The following NCOA2 variants were observed in gnomAD, a reference collection of about 807,000 sequenced individuals.
NCOA2 encodes the protein class E basic helix-loop-helix protein 75.
A neutral mutation model predicts 145.1 loss-of-function variants in NCOA2; 21 were observed. That is an observed-to-expected ratio of 0.14 (90% CI 0.10 to 0.21). NCOA2 has a LOEUF of 0.21. NCOA2 is among the 10% of genes least tolerant of loss of function. NCOA2 has a pLI of 1.00. For missense variants in NCOA2, 1,472 were observed against 1,837.6 expected, an observed-to-expected ratio of 0.80 and a Z score of 3.64; for synonymous variants, 619 against 637.5, an observed-to-expected ratio of 0.97 and a Z score of 0.44.
At chr8:70,351,744 C>T (rs528002685) in intron 1 of NCOA2, among the ~76,000 whole-genome samples, 79 of 150,398 alleles carry the variant, frequency 5.3e-4, no homozygotes, top group Admixed American at 1.7e-3. Flanking sequence ...CACCACCACC[C>T]CGGCTAATTT....
At position 70,312,000 on chromosome 8, in the gene NCOA2, G is replaced by A. The variant is rs147525270; in HGVS notation, c.-76-15200C>T. Among the ~76,000 whole-genome samples, 318 of 152,294 alleles carry A rather than the reference G, an allele frequency of 2.1e-3. 2 individuals carry two copies. Among genetic ancestry groups the A allele is most frequent in the East Asian group, 9.3e-3 (48 of 5,188 alleles). On this transcript the variant is annotated intron_variant, in intron 1 of 22. Coordinates refer to ENST00000452400, the MANE Select transcript of NCOA2 (RefSeq NM_006540.4). ...TTTTATCTTTACAACAACTCTGTGA[G>A]GTATGTTGACCCTGTAATTTTGATG...
At chr8:70,155,428 A>T (rs1357867822) in intron 11 of NCOA2, among the ~76,000 whole-genome samples, 1 of 152,244 alleles carries the variant, frequency 6.6e-6, no homozygotes, top group Non-Finnish European at 1.5e-5. Flanking sequence ...CCCAGTTTCA[A>T]GGAAGTGATT....
chr8:70,355,394 G>A (rs10504476), intron 1 of NCOA2, among the ~76,000 whole-genome samples: 15,984 of 152,150 alleles, frequency 0.11, 1,283 homozygotes, highest in East Asian at 0.41. Context: ...GAGCCTACAT[G>A]TGCCAGACAC....
At chr8:70,145,150 TTCTC>T (rs147559333) in intron 12 of NCOA2, among the ~76,000 whole-genome samples, 19 of 151,666 alleles carry the variant, frequency 1.3e-4, no homozygotes, top group South Asian at 6.2e-4. Flanking sequence ...CATTCATTCA[TTCTC>T]TCTCTCTCTT....
At chr8:70,123,470 T>C (rs991420664) in intron 21 of NCOA2, among the ~76,000 whole-genome samples, 6 of 152,140 alleles carry the variant, frequency 3.9e-5, no homozygotes, top group Non-Finnish European at 7.3e-5. Flanking sequence ...TGAGCCAAGA[T>C]AGTGCCACTG....
At chr8:70,360,290 T>A (rs1015142841) in intron 1 of NCOA2, among the ~76,000 whole-genome samples, 2 of 152,222 alleles carry the variant, frequency 1.3e-5, no homozygotes, top group African/African-American at 4.8e-5. Context: ...CTAGTCATTA[T>A]CTGAGAATTT....
chr8:70,163,544 G>A lies in NCOA2; in HGVS notation c.753C>T (p.Cys251=), dbSNP rs764363879. The change falls in exon 8 of 23, where the codon TGC becomes TGT. Residue 251 remains cysteine (C), a synonymous_variant. Coordinates refer to ENST00000452400, the MANE Select transcript of NCOA2 (RefSeq NM_006540.4). ...CCTTCATGGGAACTCTTCTTGCCAC[G>A]CAAATCAAGCAGGACTGCAAATCTT... ...EGEDLQSCLI[C]VARRVPMKER... The A allele has an allele frequency of 6.8e-6, 11 of 1,613,530 alleles. No individual in the cohort carries two copies. In the African/African-American group the frequency reaches 9.3e-5, roughly 14 times the overall value.
chr8:70,182,725 T>A (rs1241085432), intron 4 of NCOA2, among the ~76,000 whole-genome samples: 1 of 152,240 alleles, frequency 6.6e-6, no homozygotes, highest in African/African-American at 2.4e-5. Flanking sequence ...TCTTTCATGA[T>A]AAGCCATGTC....
At chr8:70,382,134 T>C (rs143702024) in intron 1 of NCOA2, among the ~76,000 whole-genome samples, 1 of 151,934 alleles carries the variant, frequency 6.6e-6, no homozygotes, top group East Asian at 1.9e-4. Flanking sequence ...AGCCAGAATA[T>C]AAAATAAGCT....
chr8:70,197,965 A>AT (rs956294951), intron 4 of NCOA2, among the ~76,000 whole-genome samples: 8 of 151,294 alleles, frequency 5.3e-5, no homozygotes, highest in South Asian at 2.1e-4. Context: ...TGCCCATTTA[A>AT]TTTTTTTTTA....
chr8:70,115,827 T>C (rs1807040902), intron 22 of NCOA2, among the ~76,000 whole-genome samples: 1 of 152,180 alleles, frequency 6.6e-6, no homozygotes, highest in Admixed American at 6.5e-5. Context: ...TTGTACATAC[T>C]AGCTCTGCTT....
intron 21 of NCOA2, 43 bp downstream of exon 21, chr8:70,123,841 C>G: frequency 6.7e-7 from 1 of 1,499,466 alleles, no homozygotes; most frequent in Non-Finnish European, 9.0e-7. Flanking sequence ...AGAAAAAAAG[C>G]CGTGATATGA....
chr8:70,230,376 A>T (rs1821030460), intron 2 of NCOA2, among the ~76,000 whole-genome samples: 1 of 152,164 alleles, frequency 6.6e-6, no homozygotes. Flanking sequence ...GGTTGATAAA[A>T]CTGTTCTGAA....
chr8:70,306,127 A>G (rs1390601748), intron 1 of NCOA2, among the ~76,000 whole-genome samples: 1 of 152,166 alleles, frequency 6.6e-6, no homozygotes, highest in Admixed American at 6.5e-5. Flanking sequence ...GGAATACTGG[A>G]GAAAACTGGA....
intron 10 of NCOA2, among the ~76,000 whole-genome samples, chr8:70,158,368 A>G (rs1469741358): frequency 2.0e-5 from 3 of 152,238 alleles, no homozygotes; most frequent in Admixed American, 6.5e-5. Context: ...GTGCTCTAAG[A>G]CAATATGGCT....
At chr8:70,451,750 G>A in the NCOA2 span, among the ~76,000 whole-genome samples, 1 of 152,182 alleles carries the variant, frequency 6.6e-6, no homozygotes, top group African/African-American at 2.4e-5. Context: ...TCCACAGGTA[G>A]GTTGATCATA....
chr8:70,224,936 C>A (rs1379240929), intron 2 of NCOA2, among the ~76,000 whole-genome samples: 1 of 151,940 alleles, frequency 6.6e-6, no homozygotes, highest in Non-Finnish European at 1.5e-5. Context: ...TGTCCTCCTG[C>A]TCCTCTGTTC....
chr8:70,211,123 C>T (rs559588790), intron 4 of NCOA2, among the ~76,000 whole-genome samples: 30 of 152,146 alleles, frequency 2.0e-4, no homozygotes, highest in African/African-American at 7.0e-4. Flanking sequence ...TGGAGTGGTA[C>T]GCATGGGTTG....
At chr8:70,308,479 A>ATGTG (rs971603088) in intron 1 of NCOA2, among the ~76,000 whole-genome samples, 1 of 151,870 alleles carries the variant, frequency 6.6e-6, no homozygotes, top group African/African-American at 2.4e-5. Flanking sequence ...ATACACATAT[A>ATGTG]TGTGTGTGTG....
Sources: gnomAD v4.1 joint callset for allele counts (sites outside exome capture counted in the v4.1 genomes callset) on GRCh38, gnomAD v4.1.1 for gene constraint, MANE v1.5 for transcripts, NCBI Gene and HGNC (gene_info 2026-07-23, HGNC 2026-07-21) for gene names.